Variants in KDM4B observed in about 807,000 individuals in gnomAD.
KDM4B encodes lysine demethylase 4B.
KDM4B carries 32 observed loss-of-function variants against 125.2 expected under a neutral mutation model. That is an observed-to-expected ratio of 0.26 (90% confidence interval 0.19 to 0.34). The LOEUF (loss-of-function observed/expected upper bound fraction) is 0.34. KDM4B is among the 10% of genes least tolerant of loss of function. KDM4B has a pLI of 1.00. For synonymous variants in KDM4B, 721 were observed against 677.9 expected, an observed-to-expected ratio of 1.06 and a Z score of -0.99; for missense variants, 1,190 against 1,577.7, an observed-to-expected ratio of 0.75 and a Z score of 4.16.
At position 5,150,518 on chromosome 19, in the gene KDM4B, A is replaced by C; in HGVS notation, c.3114+68A>C. 2.6e-6 allele frequency: 3 copies of C among 1,159,178 alleles called. 1 individual carries two copies. Among genetic ancestry groups the C allele is most frequent in the Non-Finnish European group, 3.7e-6 (3 of 806,324 alleles). The allele number at this position is 1,159,178 out of a possible 1,614,324, so 71.8% of individuals were successfully genotyped here. On this transcript the variant is annotated intron_variant, in intron 22 of 22. Coordinates refer to ENST00000159111, the MANE Select transcript of KDM4B (RefSeq NM_015015.3). ...GAGCCCGTCTGGGACGAGGCAGGGC[A>C]CAGACTGCGTCTTCCAATGGCGTGG...
chr19:5,106,461 G>T (rs542409700), intron 9 of KDM4B, among the ~76,000 whole-genome samples: 3 of 152,158 alleles, frequency 2.0e-5, no homozygotes, highest in South Asian at 2.1e-4. Context: ...TCCTGAGGCC[G>T]CCAGGGTCTG....
intron 1 of KDM4B, among the ~76,000 whole-genome samples, chr19:4,986,549 C>A (rs1325964375): frequency 6.6e-6 from 1 of 152,192 alleles, no homozygotes; most frequent in Admixed American, 6.5e-5. Context: ...GAGGCTGTGT[C>A]CTCCAGCGTC....
In KDM4B at chr19:5,078,099, A is replaced by G. The variant is rs141964667; in HGVS notation, c.780+629A>G. 8.1e-3 allele frequency: 1,257 copies of G among 154,512 alleles called. 18 individuals are homozygous for G. The highest frequency in any genetic ancestry group is 0.028 in the African/African-American group (1,147 of 41,580). 9.6% of individuals were successfully genotyped at this position (154,512 alleles called of 1,614,324 possible). A position where few individuals can be genotyped will look rare whatever the true frequency, so the allele number is the denominator to read the frequency against. ...ATGGACAGCTGGGGTTTGGTGTCCCAGGAGCAGAGCAGGCTGTGCTCAGGG... is the reference window on the plus strand; with the variant it reads ...ATGGACAGCTGGGGTTTGGTGTCCCGGGAGCAGAGCAGGCTGTGCTCAGGG... On this transcript the variant is annotated intron_variant, in intron 8 of 22. Transcript: ENST00000159111. This position sits in a 1 kb window ranked among gnomAD's most constrained non-coding sequence, Gnocchi z 4.5.
chr19:4,993,931 T>G (rs1239867675), intron 1 of KDM4B, among the ~76,000 whole-genome samples: 1 of 151,630 alleles, frequency 6.6e-6, no homozygotes, highest in Admixed American at 6.6e-5. Flanking sequence ...TTTTTTTAAG[T>G]CTATTTTGTC....
chr19:5,017,788 T>G (rs1485141673), intron 2 of KDM4B, among the ~76,000 whole-genome samples: 1 of 152,208 alleles, frequency 6.6e-6, no homozygotes, highest in Non-Finnish European at 1.5e-5. Context: ...TCACCCAGGC[T>G]GGAGTGCAGT....
At chr19:5,025,463 A>G (rs941405778) in intron 2 of KDM4B, among the ~76,000 whole-genome samples, 3 of 152,262 alleles carry the variant, frequency 2.0e-5, no homozygotes, top group African/African-American at 2.4e-5. Context: ...TGGGGGTTGC[A>G]TGCCCTGGAA....
At chr19:5,020,629 G>C (rs79328032) in intron 2 of KDM4B, among the ~76,000 whole-genome samples, 1 of 152,168 alleles carries the variant, frequency 6.6e-6, no homozygotes, top group African/African-American at 2.4e-5. Flanking sequence ...GGGGAAGGGG[G>C]TCCCACTGCA....
At chr19:5,012,282 AGTTCCC>A (rs2035752924) in intron 1 of KDM4B, among the ~76,000 whole-genome samples, 1 of 152,094 alleles carries the variant, frequency 6.6e-6, no homozygotes, top group African/African-American at 2.4e-5. Flanking sequence ...TGGTAGTGAG[AGTTCCC>A]GTCTCTGCCT....
At chr19:5,026,430 A>T (rs777724215) in intron 2 of KDM4B, among the ~76,000 whole-genome samples, 1 of 152,104 alleles carries the variant, frequency 6.6e-6, no homozygotes, top group Non-Finnish European at 1.5e-5. Context: ...CGAGTGTCCC[A>T]CTTCAGCCTC....
Position 5,141,663 on chromosome 19 carries a change from C to A in KDM4B, c.2551-2304C>A, listed in dbSNP as rs1453731094. ...CAGTTTGTCTCCAGGACTTCTCCAG[C>A]CACCGGCTCAGGGCTCCAGGCAGTC... On this transcript the variant is annotated intron_variant, in intron 18 of 22. Coordinates refer to ENST00000159111, the MANE Select transcript of KDM4B (RefSeq NM_015015.3). The surrounding 1 kb of genome is among the most constrained non-coding windows in gnomAD (Gnocchi z 6.4). Among the ~76,000 whole-genome samples, 1 of 152,224 alleles carries A rather than the reference C, an allele frequency of 6.6e-6. No individual in the cohort carries two copies. Among genetic ancestry groups the A allele is most frequent in the Non-Finnish European group, 1.5e-5 (1 of 68,048 alleles).
chr19:5,010,985 CTG>C (rs1473404832), intron 1 of KDM4B, among the ~76,000 whole-genome samples: 2 of 152,182 alleles, frequency 1.3e-5, no homozygotes, highest in African/African-American at 4.8e-5. Flanking sequence ...GGAAAGCCAT[CTG>C]TGTGTTTGTT....
chr19:4,980,647 C>G (rs1171477941), intron 1 of KDM4B, among the ~76,000 whole-genome samples: 1 of 152,004 alleles, frequency 6.6e-6, no homozygotes, highest in Admixed American at 6.6e-5. Flanking sequence ...AGGCTGGTCT[C>G]GAACTCCTGG....
intron 2 of KDM4B, among the ~76,000 whole-genome samples, chr19:5,025,624 A>G (rs1423116307): frequency 2.6e-5 from 4 of 151,848 alleles, no homozygotes; most frequent in Admixed American, 1.3e-4. Context: ...CCCAGGGCCC[A>G]CCCTGGTCTA....
intron 1 of KDM4B, among the ~76,000 whole-genome samples, chr19:5,012,283 G>A (rs1484706133): frequency 6.6e-6 from 1 of 152,184 alleles, no homozygotes; most frequent in Non-Finnish European, 1.5e-5. Context: ...GGTAGTGAGA[G>A]TTCCCGTCTC....
At chr19:5,123,628 A>C (rs2039400690) in intron 11 of KDM4B, among the ~76,000 whole-genome samples, 1 of 152,224 alleles carries the variant, frequency 6.6e-6, no homozygotes, top group African/African-American at 2.4e-5. Context: ...AGGAGCAGGC[A>C]CAGGTGCCCA....
chr19:5,016,234 A>T (rs562330793), intron 1 of KDM4B, 23 bp from the exon 2 acceptor site: 3 of 152,368 alleles, frequency 2.0e-5, no homozygotes, highest in Admixed American at 1.3e-4. Flanking sequence ...TTAGTTAATC[A>T]TGCTTTTATT....
chr19:5,002,588 A>T (rs1384061819), intron 1 of KDM4B, among the ~76,000 whole-genome samples: 1 of 151,726 alleles, frequency 6.6e-6, no homozygotes, highest in Non-Finnish European at 1.5e-5. Flanking sequence ...TCCTGGGCTC[A>T]AGCAGTCTTC....
At chr19:5,092,747 G>C (rs2038736553) in intron 9 of KDM4B, among the ~76,000 whole-genome samples, 1 of 152,190 alleles carries the variant, frequency 6.6e-6, no homozygotes, top group South Asian at 2.1e-4. Flanking sequence ...AGAGAAGCAG[G>C]AGAGTCAGAG....
chr19:5,137,307 G>A lies in KDM4B; in HGVS notation c.2354G>A (p.Cys785Tyr). The A allele has an allele frequency of 6.3e-7, 1 of 1,580,450 alleles. No homozygotes were observed. Among genetic ancestry groups the A allele is most frequent in the Non-Finnish European group, 8.6e-7 (1 of 1,163,458 alleles). ...RPELVNEGWT[C>Y]SRCAAHAWTA... Reference sequence around the variant, plus strand: ...GAGCTGGTCAATGAAGGCTGGACGTGTTCCCGGTGCGCGGCCCACGCCTGG... The same window carrying A: ...GAGCTGGTCAATGAAGGCTGGACGTATTCCCGGTGCGCGGCCCACGCCTGG... The change falls in exon 16 of 23, where the codon TGT (cysteine) becomes TAT (tyrosine). Residue 785 changes from cysteine (C) to tyrosine (Y), a missense_variant. By Grantham distance (194) the Cys-to-Tyr change is radical. Transcript: ENST00000159111.
Sources: gnomAD v4.1 joint callset for allele counts (sites outside exome capture counted in the v4.1 genomes callset) on GRCh38, gnomAD v4.1.1 for gene constraint, Gnocchi (gnomAD v3.1) non-coding constraint, MANE v1.5 for transcripts, NCBI Gene and HGNC (gene_info 2026-07-23, HGNC 2026-07-21) for gene names.